Variants in RTL4 observed in about 807,000 individuals in gnomAD.
RTL4 encodes the protein retrotransposon Gag like 4.
RTL4 carries 4 observed loss-of-function variants against 5.3 expected under a neutral mutation model. The ratio of observed to expected loss-of-function variants is 0.75; its 90% CI spans 0.37 to 1.72. The LOEUF is 1.72. RTL4 is among the 40% of genes most tolerant of loss of function. RTL4 has a pLI of 0.04. For missense variants in RTL4, 260 were observed against 227.1 expected, an observed-to-expected ratio of 1.14 and a Z score of -0.93; for synonymous variants, 98 against 87.3, an observed-to-expected ratio of 1.12 and a Z score of -0.68.
At chrX:112,115,503 CT>C in the RTL4 span, among the ~76,000 whole-genome samples, 1 of 111,408 alleles carries the variant, frequency 9.0e-6, no homozygotes, top group Admixed American at 9.5e-5. Context: ...AGAGTGACAC[CT>C]TTTGTCCTCA....
chrX:112,172,767 C>T, the RTL4 span, among the ~76,000 whole-genome samples: 3 of 111,303 alleles, frequency 2.7e-5, no homozygotes, highest in Non-Finnish European at 5.7e-5. Context: ...ACCCATGTGC[C>T]CATCAATGAT....
the RTL4 span, chrX:112,381,297 T>C: frequency 1.7e-6 from 2 of 1,209,663 alleles, no homozygotes; most frequent in Non-Finnish European, 1.1e-6. Context: ...CCCAGAAGGC[T>C]CCTTCCACCG....
the RTL4 span, among the ~76,000 whole-genome samples, chrX:112,288,380 A>G: frequency 0.26 from 29,051 of 111,028 alleles, 3,366 homozygotes; most frequent in African/African-American, 0.43. Flanking sequence ...GTTTTTATTG[A>G]CACTCTATAG....
the RTL4 span, among the ~76,000 whole-genome samples, chrX:112,257,963 T>C: frequency 9.3e-6 from 1 of 107,221 alleles, no homozygotes; most frequent in Non-Finnish European, 1.9e-5. Context: ...TTCTGGAACA[T>C]TTATTTAAAT....
the RTL4 span, among the ~76,000 whole-genome samples, chrX:112,116,369 G>A: frequency 1.4e-4 from 15 of 110,886 alleles, no homozygotes; most frequent in African/African-American, 4.3e-4. Context: ...CTTAAAGGTG[G>A]CATGGACCCA....
chrX:112,244,628 TGGG>T, the RTL4 span, among the ~76,000 whole-genome samples: 1 of 111,900 alleles, frequency 8.9e-6, no homozygotes, highest in South Asian at 3.8e-4. Flanking sequence ...AGCACACTGA[TGGG>T]TCTTGACTCT....
At chrX:112,284,778 A>T in the RTL4 span, among the ~76,000 whole-genome samples, 4 of 111,642 alleles carry the variant, frequency 3.6e-5, no homozygotes, top group African/African-American at 6.5e-5. Flanking sequence ...TGTGCCTCTA[A>T]CATAAAAAGC....
the RTL4 span, among the ~76,000 whole-genome samples, chrX:112,315,499 G>A: frequency 1.8e-5 from 2 of 111,478 alleles, no homozygotes; most frequent in Non-Finnish European, 3.8e-5. Context: ...AAAAATTCAT[G>A]TGAATCTGGC....
chrX:112,249,040 C>G, the RTL4 span, among the ~76,000 whole-genome samples: 5 of 112,269 alleles, frequency 4.5e-5, no homozygotes, highest in Non-Finnish European at 9.4e-5. Flanking sequence ...GTCTTTAAGG[C>G]TTCAACCAGA....
chrX:112,212,538 T>C, the RTL4 span, among the ~76,000 whole-genome samples: 2 of 112,343 alleles, frequency 1.8e-5, no homozygotes, highest in African/African-American at 6.5e-5. Flanking sequence ...TCAGGCACTT[T>C]CCTAAAATGC....
the RTL4 span, among the ~76,000 whole-genome samples, chrX:112,326,892 G>T: frequency 9.0e-6 from 1 of 111,530 alleles, no homozygotes; most frequent in South Asian, 3.8e-4. Flanking sequence ...CCCAGCAGGG[G>T]CACACTGACA....
chrX:112,443,416 C>T, the RTL4 span, among the ~76,000 whole-genome samples: 1 of 111,494 alleles, frequency 9.0e-6, no homozygotes, highest in Non-Finnish European at 1.9e-5. Flanking sequence ...ATCTCCTCCT[C>T]CTTATACTGA....
chrX:112,396,386 T>C, the RTL4 span, among the ~76,000 whole-genome samples: 2 of 111,742 alleles, frequency 1.8e-5, no homozygotes, highest in East Asian at 5.7e-4. Context: ...TTTTGCAATA[T>C]GAAGTCAAAA....
At chrX:112,107,263 T>G in the RTL4 span, among the ~76,000 whole-genome samples, 2 of 112,045 alleles carry the variant, frequency 1.8e-5, no homozygotes, top group South Asian at 7.3e-4. Context: ...CTTTTTATAA[T>G]GCTTATATTT....
At chrX:112,455,234 T>C (rs1255260296) in exon 1 of RTL4, 3 of 1,209,230 alleles carry the variant, frequency 2.5e-6, no homozygotes, top group Non-Finnish European at 2.2e-6. Flanking sequence ...TTCCACCTCC[T>C]CGCTCAAAAT....
chrX:112,117,232 T>G, the RTL4 span, among the ~76,000 whole-genome samples: 1 of 108,503 alleles, frequency 9.2e-6, no homozygotes, highest in Admixed American at 9.9e-5. Context: ...ATTTACCACA[T>G]AATCGTTATA....
At chrX:112,210,619 G>A in the RTL4 span, among the ~76,000 whole-genome samples, 977 of 112,109 alleles carry the variant, frequency 8.7e-3, 13 homozygotes, top group African/African-American at 0.03. Flanking sequence ...TCAGATTCAA[G>A]CTGATCCCTC....
At chrX:112,344,754 C>T in the RTL4 span, among the ~76,000 whole-genome samples, 6 of 111,474 alleles carry the variant, frequency 5.4e-5, no homozygotes, top group East Asian at 1.1e-3. Flanking sequence ...AAAAACTTAC[C>T]GGGTGTATTA....
chrX:112,098,743 C>T, the RTL4 span, among the ~76,000 whole-genome samples: 28 of 111,651 alleles, frequency 2.5e-4, no homozygotes, highest in Admixed American at 6.6e-4. Flanking sequence ...TGTCTTTTGG[C>T]TGCATAAATG....
Sources: gnomAD v4.1 joint callset for allele counts (sites outside exome capture counted in the v4.1 genomes callset) on GRCh38, gnomAD v4.1.1 for gene constraint, MANE v1.5 for transcripts, NCBI Gene and HGNC (gene_info 2026-07-23, HGNC 2026-07-21) for gene names.